Variants in TLE6 observed in about 807,000 individuals in gnomAD.
TLE6 encodes TLE family member 6, subcortical maternal complex member.
In TLE6, 72 loss-of-function variants were observed where a neutral mutation model predicts 77.1. The observed-to-expected ratio is 0.93, with a 90% CI of 0.77 to 1.14. The LOEUF is 1.14. TLE6 is among the 50% of genes most tolerant of loss of function. The pLI is 0.00. For synonymous variants in TLE6, 366 were observed against 287.3 expected (o/e 1.27, Z -2.77); for missense variants, 843 against 747.6 (o/e 1.13, Z -1.49).
chr19:2,980,392 T>A (rs1035208871), intron 3 of TLE6: 2 of 400,800 alleles, frequency 5.0e-6, no homozygotes, highest in African/African-American at 4.1e-5. Context: ...ATTAAAATTT[T>A]GATTTTCCTG....
intron 5 of TLE6, among the ~76,000 whole-genome samples, chr19:2,982,648 G>C (rs57527024): frequency 2.1e-3 from 315 of 152,170 alleles, no homozygotes; most frequent in African/African-American, 7.2e-3. Context: ...GACCCCAAGG[G>C]AGGTGGGAGC....
chr19:2,981,482 C>T, intron 3 of TLE6, 56 bp from the exon 4 acceptor site: 1 of 1,540,310 alleles, frequency 6.5e-7, no homozygotes, highest in Non-Finnish European at 8.8e-7. Context: ...GGGGCTCACT[C>T]TGGGGAGGGA....
In TLE6 at chr19:2,982,109, G is replaced by A. The variant is rs758092594; in HGVS notation, c.181-39G>A. 4.0e-5 allele frequency: 62 copies of A among 1,551,026 alleles called. No individual in the cohort carries two copies. In the South Asian group the frequency reaches 4.2e-4, roughly 10 times the overall value. ...CCAGGGTCACACAGCATTCACACCC[G>A]GACCACCTCCCGATGGGATCTCTGT... On this transcript the variant is annotated intron_variant, in intron 4 of 16. Coordinates refer to ENST00000246112, the MANE Select transcript of TLE6 (RefSeq NM_001143986.2).
At chr19:2,978,365 TG>T in intron 2 of TLE6, 81 bp downstream of exon 2, 1 of 1,445,154 alleles carries the variant, frequency 6.9e-7, no homozygotes, top group Non-Finnish European at 9.5e-7. Context: ...ACCTGTGACC[TG>T]GGCTGGCCCC....
intron 2 of TLE6, among the ~76,000 whole-genome samples, chr19:2,979,280 CT>C (rs1345747772): frequency 6.7e-6 from 1 of 149,960 alleles, no homozygotes; most frequent in Non-Finnish European, 1.5e-5. Flanking sequence ...GAGTCTTGCT[CT>C]TGTTGCCCAG....
intron 5 of TLE6, among the ~76,000 whole-genome samples, chr19:2,983,233 C>G (rs190929820): frequency 6.6e-6 from 1 of 152,316 alleles, no homozygotes; most frequent in East Asian, 1.9e-4. Flanking sequence ...TCCATCACCT[C>G]CTTGCCAAAT....
At chr19:2,988,595 CAAA>C (rs963188077) in intron 11 of TLE6, among the ~76,000 whole-genome samples, 5 of 150,566 alleles carry the variant, frequency 3.3e-5, no homozygotes, top group Non-Finnish European at 5.9e-5. Context: ...GACTCCGTCT[CAAA>C]AAAAAAGTGC....
Position 2,980,147 on chromosome 19 carries a change from T to C in TLE6, c.99T>C (p.Tyr33=). The change falls in exon 3 of 17, where the codon TAT becomes TAC. Residue 33 remains tyrosine (Y), a synonymous_variant. Coordinates refer to ENST00000246112, the MANE Select transcript of TLE6 (RefSeq NM_001143986.2). The part of the protein sequence containing the change: ...SNSESSPTLN[Y]QGILNRLKQF... ...CTGAGAGCTCTCCGACGCTGAATTA[T>C]CAGGGCATTCTAAATCGGCTCAAGC... 6.5e-7 allele frequency: 1 copy of C among 1,549,802 alleles called. No homozygotes were observed. The highest frequency in any genetic ancestry group is 8.7e-7 in the Non-Finnish European group (1 of 1,145,798).
intron 13 of TLE6, among the ~76,000 whole-genome samples, chr19:2,989,986 C>G (rs541157247): frequency 2.6e-4 from 40 of 152,290 alleles, no homozygotes; most frequent in African/African-American, 7.5e-4. Context: ...CTTGGCTGGA[C>G]TGCGTTCCTT....
chr19:2,978,974 G>A (rs1267434540), intron 2 of TLE6, among the ~76,000 whole-genome samples: 2 of 151,962 alleles, frequency 1.3e-5, no homozygotes, highest in African/African-American at 4.8e-5. Context: ...TTATGTTTGA[G>A]ACGGAGTCTC....
intron 16 of TLE6, among the ~76,000 whole-genome samples, chr19:2,994,612 T>A (rs403048): frequency 0.72 from 108,643 of 150,730 alleles, 39,227 homozygotes; most frequent in Non-Finnish European, 0.75. Context: ...TCTAAAAAAA[T>A]AATAATAATA....
At chr19:2,990,314 AT>A (rs2089015828) in intron 13 of TLE6, among the ~76,000 whole-genome samples, 2 of 151,794 alleles carry the variant, frequency 1.3e-5, no homozygotes, top group African/African-American at 4.8e-5. Flanking sequence ...ATATGTATAT[AT>A]AAATTGGCCG....
chr19:2,978,048 A>G, intron 1 of TLE6, 150 bp from the exon 2 acceptor site: 1 of 612,474 alleles, frequency 1.6e-6, no homozygotes. Context: ...AAGTGAGGAC[A>G]GGACCTAGGG....
rs1012836249 is a variant in TLE6, at chr19:2,981,590, C to A, written c.180+7C>A. 3 of 1,551,558 alleles carry A rather than the reference C, an allele frequency of 1.9e-6. No individual in the cohort carries two copies. Among genetic ancestry groups the A allele is most frequent in the South Asian group, 2.4e-5 (2 of 84,060 alleles). On this transcript the variant is annotated splice_region_variant and intron_variant, in intron 4 of 16. Transcript: ENST00000246112. ...GGAGAGCATTTACTACTCGGTGAGC[C>A]AGACCCAGGCAGCCCCAACCAAGGA... is the stretch of plus-strand genomic sequence containing the variant.
At chr19:2,993,705 C>T (rs992825550) in intron 15 of TLE6, 123 bp downstream of exon 15, 9 of 1,278,168 alleles carry the variant, frequency 7.0e-6, no homozygotes, top group Admixed American at 2.8e-5. Flanking sequence ...GTAGCAGAAA[C>T]CAATTTTGGG....
intron 5 of TLE6, 56 bp from the exon 6 acceptor site, chr19:2,986,773 T>G: frequency 6.6e-7 from 1 of 1,517,650 alleles, no homozygotes; most frequent in Non-Finnish European, 8.9e-7. Flanking sequence ...TGCTGTAGGA[T>G]TGCAAACCCT....
intron 8 of TLE6, 42 bp downstream of exon 8, chr19:2,987,414 C>CGGCA (rs776703145): frequency 6.2e-7 from 1 of 1,612,294 alleles, no homozygotes; most frequent in Non-Finnish European, 8.5e-7. Flanking sequence ...GGTGGGCTTC[C>CGGCA]GGGCAGGCGG....
chr19:2,983,012 T>G (rs561427057), intron 5 of TLE6, among the ~76,000 whole-genome samples: 1 of 152,104 alleles, frequency 6.6e-6, no homozygotes, highest in South Asian at 2.1e-4. Context: ...CAAGCAGAAG[T>G]ACGCCTTCCA....
At chr19:2,988,980 C>T (rs998978687) in intron 11 of TLE6, 81 bp from the exon 12 acceptor site, 5 of 1,574,778 alleles carry the variant, frequency 3.2e-6, no homozygotes, top group Admixed American at 3.6e-5. Flanking sequence ...AAAAGAAGCC[C>T]CTCTAGGCCT....
Sources: gnomAD v4.1 joint callset for allele counts (sites outside exome capture counted in the v4.1 genomes callset) on GRCh38, gnomAD v4.1.1 for gene constraint, MANE v1.5 for transcripts, NCBI Gene and HGNC (gene_info 2026-07-23, HGNC 2026-07-21) for gene names.